Variants in CEP128 observed in about 807,000 individuals in gnomAD.
The protein encoded by CEP128 is centrosomal protein 128kDa.
Under a neutral mutation model 156.7 loss-of-function variants are expected in CEP128, and 132 were observed. The observed-to-expected ratio is 0.84, with a 90% CI of 0.73 to 0.97. The LOEUF is 0.97. Ranked by LOEUF, CEP128 falls within the 50% of genes least tolerant of loss-of-function variation. The pLI is 0.00. For synonymous variants in CEP128, 469 were observed against 448.9 expected (o/e 1.04, Z -0.57); for missense variants, 1,252 against 1,281.9 (o/e 0.98, Z 0.36).
chr14:80,869,474 G>A (rs1887925031), intron 8 of CEP128, among the ~76,000 whole-genome samples: 1 of 151,840 alleles, frequency 6.6e-6, no homozygotes, highest in South Asian at 2.1e-4. Context: ...GGAGTTTTAT[G>A]GCAATAAATG....
At chr14:80,801,372 T>A (rs749037307) in intron 13 of CEP128, among the ~76,000 whole-genome samples, 1 of 124,478 alleles carries the variant, frequency 8.0e-6, no homozygotes, top group East Asian at 2.1e-4. Flanking sequence ...TGGCTGTGGG[T>A]TTGTCATAAA....
chr14:80,854,806 C>T (rs927462488), intron 9 of CEP128, among the ~76,000 whole-genome samples: 4 of 152,014 alleles, frequency 2.6e-5, no homozygotes, highest in Non-Finnish European at 5.9e-5. Context: ...CACTACTTAA[C>T]GTATTAAACA....
At chr14:80,596,171 C>A in intron 19 of CEP128, among the ~76,000 whole-genome samples, 1 of 151,330 alleles carries the variant, frequency 6.6e-6, no homozygotes, top group South Asian at 2.1e-4. Context: ...TTTAAATATA[C>A]CAATTAAAAG....
At chr14:80,759,305 A>G (rs1022330812) in intron 17 of CEP128, among the ~76,000 whole-genome samples, 4 of 152,172 alleles carry the variant, frequency 2.6e-5, no homozygotes, top group Non-Finnish European at 4.4e-5. Context: ...TTTCTAATCT[A>G]TTCCATAGCA....
At chr14:80,867,257 C>CA (rs1887811504) in intron 8 of CEP128, among the ~76,000 whole-genome samples, 1 of 152,084 alleles carries the variant, frequency 6.6e-6, no homozygotes, top group Non-Finnish European at 1.5e-5. Flanking sequence ...GTGTCTATGG[C>CA]ATGGATATAA....
At chr14:80,834,761 A>G (rs999682174) in intron 12 of CEP128, among the ~76,000 whole-genome samples, 1 of 152,192 alleles carries the variant, frequency 6.6e-6, no homozygotes, top group Admixed American at 6.5e-5. Flanking sequence ...AGTTTGATGA[A>G]GAAGCTAACA....
chr14:80,945,913 CT>C (rs1886329390), upstream of CEP128: 1 of 152,204 alleles, frequency 6.6e-6, no homozygotes. Flanking sequence ...TTTGTATTTC[CT>C]GTACTTGTTT....
chr14:80,632,267 C>T (rs554321867), intron 19 of CEP128, among the ~76,000 whole-genome samples: 4 of 151,656 alleles, frequency 2.6e-5, no homozygotes, highest in Admixed American at 2.0e-4. Flanking sequence ...GTATTGTATA[C>T]ATAGAATTAT....
chr14:80,869,487 T>C (rs890332390), intron 8 of CEP128, among the ~76,000 whole-genome samples: 9 of 151,990 alleles, frequency 5.9e-5, no homozygotes, highest in African/African-American at 2.2e-4. Flanking sequence ...AATAAATGCC[T>C]ACATTTAGAA....
intron 13 of CEP128, among the ~76,000 whole-genome samples, chr14:80,800,117 T>A (rs772950333): frequency 6.6e-6 from 1 of 152,220 alleles, no homozygotes; most frequent in Non-Finnish European, 1.5e-5. Flanking sequence ...GTGGGCATCA[T>A]AGTCCTACCG....
chr14:80,839,024 G>T (rs1037370690), intron 10 of CEP128, among the ~76,000 whole-genome samples: 1 of 152,130 alleles, frequency 6.6e-6, no homozygotes, highest in Non-Finnish European at 1.5e-5. Context: ...GCGTGAACCT[G>T]GGAGGCAGAG....
At chr14:80,593,424 C>G (rs1892169792) in intron 19 of CEP128, among the ~76,000 whole-genome samples, 1 of 151,616 alleles carries the variant, frequency 6.6e-6, no homozygotes, top group Non-Finnish European at 1.5e-5. Context: ...GCCTGTAGTC[C>G]CAGCTACTCG....
chr14:80,633,326 T>C (rs756414378), intron 19 of CEP128, among the ~76,000 whole-genome samples: 1 of 152,194 alleles, frequency 6.6e-6, no homozygotes, highest in Non-Finnish European at 1.5e-5. Flanking sequence ...AGGGGTCCGA[T>C]ATGTCAATAG....
intron 19 of CEP128, among the ~76,000 whole-genome samples, chr14:80,598,683 A>G (rs969001625): frequency 3.9e-5 from 6 of 152,238 alleles, no homozygotes; most frequent in African/African-American, 1.4e-4. Context: ...AAAAATTAAG[A>G]ATAAATTGGA....
rs370608838 is a variant in CEP128 at position 80,814,062 on chromosome 14, G to A, written c.1209+17081C>T. Among the ~76,000 whole-genome samples the A allele has an allele frequency of 3.9e-5, 6 of 152,036 alleles. No individual in the cohort carries two copies. In the East Asian group the frequency reaches 1.2e-3, roughly 29 times the overall value. ...CTTGTTTCCAATTTGATCTTTTAAG[G>A]TAACACGTCTCCCTTGCCTCTTGCT... On this transcript the variant is annotated intron_variant, in intron 13 of 24. Coordinates refer to ENST00000555265, the MANE Select transcript of CEP128 (RefSeq NM_152446.5).
At chr14:80,907,262 A>C (rs1487003402) in intron 4 of CEP128, among the ~76,000 whole-genome samples, 1 of 151,404 alleles carries the variant, frequency 6.6e-6, no homozygotes, top group African/African-American at 2.4e-5. Flanking sequence ...TGTCCCTCTC[A>C]TTTCCGAAAG....
intron 9 of CEP128, among the ~76,000 whole-genome samples, chr14:80,845,104 A>T (rs1208341601): frequency 1.3e-5 from 2 of 152,162 alleles, no homozygotes; most frequent in Non-Finnish European, 2.9e-5. Flanking sequence ...TGACTACAAA[A>T]ATAACTCAAA....
chr14:80,792,404 T>C (rs975433650), intron 14 of CEP128, among the ~76,000 whole-genome samples: 8 of 152,170 alleles, frequency 5.3e-5, no homozygotes, highest in African/African-American at 1.7e-4. Context: ...AATAAATGCA[T>C]TGGGAGGAAA....
At chr14:80,583,025 G>A (rs1439860797) in intron 19 of CEP128, among the ~76,000 whole-genome samples, 1 of 152,182 alleles carries the variant, frequency 6.6e-6, no homozygotes, top group Admixed American at 6.5e-5. Flanking sequence ...AATAATGAGT[G>A]TCAGATCTTT....
Sources: gnomAD v4.1 joint callset for allele counts (sites outside exome capture counted in the v4.1 genomes callset) on GRCh38, gnomAD v4.1.1 for gene constraint, MANE v1.5 for transcripts, NCBI Gene and HGNC (gene_info 2026-07-23, HGNC 2026-07-21) for gene names.